The following SGCZ variants were observed in gnomAD, a reference collection of about 807,000 sequenced individuals.
The protein encoded by SGCZ is sarcoglycan zeta, also known as zeta-sarcoglycan.
In SGCZ, 40 loss-of-function variants were observed where a neutral mutation model predicts 41.3. The ratio of observed to expected loss-of-function variants is 0.97; its 90% CI spans 0.75 to 1.26. The LOEUF is 1.26. SGCZ is among the 50% of genes most tolerant of loss of function. The probability of loss-of-function intolerance (pLI) is 0.00; values close to 1 mark genes in which losing one functional copy is unlikely to be tolerated. For missense variants in SGCZ, 552 were observed against 369.8 expected (o/e 1.49, Z -4.04); for synonymous variants, 206 against 137.5 (o/e 1.50, Z -3.49).
chr8:14,431,935 A>T (rs543183784), intron 2 of SGCZ, among the ~76,000 whole-genome samples: 1 of 152,308 alleles, frequency 6.6e-6, no homozygotes, highest in Non-Finnish European at 1.5e-5. Flanking sequence ...AAAATGCTCA[A>T]CATCACTAAT....
At chr8:15,099,778 T>A (rs1199370091) in intron 1 of SGCZ, among the ~76,000 whole-genome samples, 3 of 152,198 alleles carry the variant, frequency 2.0e-5, no homozygotes, top group Non-Finnish European at 4.4e-5. Context: ...TTATTTCATA[T>A]ATGTAAGACT....
At chr8:15,235,293 A>T (rs1213937370) in intron 1 of SGCZ, among the ~76,000 whole-genome samples, 1 of 152,258 alleles carries the variant, frequency 6.6e-6, no homozygotes, top group East Asian at 1.9e-4. Flanking sequence ...CCACAAGTGT[A>T]GTCAAAACTG....
intron 1 of SGCZ, among the ~76,000 whole-genome samples, chr8:15,134,225 G>T (rs1165245108): frequency 1.3e-5 from 2 of 151,288 alleles, no homozygotes; most frequent in African/African-American, 4.8e-5. Flanking sequence ...AGCTGGAAAA[G>T]GTTAACTTTC....
chr8:14,996,552 C>T (rs1802226942), intron 1 of SGCZ, among the ~76,000 whole-genome samples: 1 of 152,150 alleles, frequency 6.6e-6, no homozygotes, highest in African/African-American at 2.4e-5. Context: ...CAGGTGCATG[C>T]CACCATGCCA....
At chr8:15,134,845 T>G (rs1462649402) in intron 1 of SGCZ, among the ~76,000 whole-genome samples, 2 of 152,240 alleles carry the variant, frequency 1.3e-5, no homozygotes, top group Admixed American at 6.5e-5. Context: ...TGCTTTTTTT[T>G]GATCATTACG....
intron 3 of SGCZ, among the ~76,000 whole-genome samples, chr8:14,317,392 C>T (rs1410205594): frequency 6.6e-6 from 1 of 151,856 alleles, no homozygotes; most frequent in Non-Finnish European, 1.5e-5. Context: ...TATTGGACTC[C>T]AGAGCTGTAG....
chr8:15,104,700 TA>T (rs5889569), intron 1 of SGCZ, among the ~76,000 whole-genome samples: 120,028 of 151,462 alleles, frequency 0.79, 47,723 homozygotes, highest in Admixed American at 0.81. Flanking sequence ...AGCATCTTCC[TA>T]TTTGAGCACA....
intron 1 of SGCZ, among the ~76,000 whole-genome samples, chr8:14,890,619 T>C (rs952154805): frequency 6.6e-6 from 1 of 152,198 alleles, no homozygotes; most frequent in African/African-American, 2.4e-5. Flanking sequence ...AGTGCTGAAG[T>C]AGACACTGCA....
intron 2 of SGCZ, among the ~76,000 whole-genome samples, chr8:14,338,219 C>G (rs1802567119): frequency 6.6e-6 from 1 of 152,168 alleles, no homozygotes; most frequent in Non-Finnish European, 1.5e-5. Context: ...AAGGCTCAGA[C>G]TCCTAAGAAA....
At chr8:15,039,223 G>A in intron 1 of SGCZ, among the ~76,000 whole-genome samples, 1 of 152,094 alleles carries the variant, frequency 6.6e-6, no homozygotes. Context: ...TATGGAATCA[G>A]CCCAAAGTGT....
intron 1 of SGCZ, among the ~76,000 whole-genome samples, chr8:14,953,286 GAC>G (rs1260928519): frequency 6.6e-6 from 1 of 152,126 alleles, no homozygotes; most frequent in African/African-American, 2.4e-5. Context: ...AGATGAGAGA[GAC>G]AGTCCCAAGG....
chr8:14,094,077 G>C (rs917517287), intron 7 of SGCZ, among the ~76,000 whole-genome samples: 2 of 151,978 alleles, frequency 1.3e-5, no homozygotes, highest in African/African-American at 4.8e-5. Flanking sequence ...ACAAAGCCCA[G>C]TTCATCTGTT....
chr8:14,624,043 T>G lies in SGCZ; in HGVS notation c.40-69117A>C, dbSNP rs538666564. 3.9e-5 allele frequency among the ~76,000 whole-genome samples: 6 copies of G among 152,328 alleles called. No homozygotes were observed. In the East Asian group the frequency reaches 1.2e-3, roughly 29 times the overall value. Reference sequence around the variant, plus strand: ...GTTTCTAGCAGATAAAACACACTTTTATTTGCATTTTATTCAACATCTATT... The same window carrying G: ...GTTTCTAGCAGATAAAACACACTTTGATTTGCATTTTATTCAACATCTATT... On this transcript the variant is annotated intron_variant, in intron 1 of 7. Coordinates refer to ENST00000382080, the MANE Select transcript of SGCZ (RefSeq NM_139167.4).
chr8:14,855,156 G>A (rs371761911), intron 1 of SGCZ, among the ~76,000 whole-genome samples: 14 of 151,920 alleles, frequency 9.2e-5, no homozygotes, highest in Non-Finnish European at 1.8e-4. Flanking sequence ...GGGCTCAAGC[G>A]ATTCTCATGC....
chr8:14,198,141 G>A (rs1805327837), intron 4 of SGCZ, among the ~76,000 whole-genome samples: 1 of 152,192 alleles, frequency 6.6e-6, no homozygotes, highest in African/African-American at 2.4e-5. Context: ...ATGCTGTTCT[G>A]AGTAGCATGA....
At chr8:14,227,155 G>C (rs1361416468) in intron 4 of SGCZ, among the ~76,000 whole-genome samples, 1 of 152,096 alleles carries the variant, frequency 6.6e-6, no homozygotes, top group Non-Finnish European at 1.5e-5. Flanking sequence ...CATTTTCTTA[G>C]TCTGCAATGC....
chr8:14,557,521 T>C (rs1159035554), intron 1 of SGCZ, among the ~76,000 whole-genome samples: 1 of 152,124 alleles, frequency 6.6e-6, no homozygotes, highest in Admixed American at 6.6e-5. Flanking sequence ...TGGAAGGATT[T>C]TTCCAATGTT....
At chr8:15,004,092 C>T (rs752442950) in intron 1 of SGCZ, among the ~76,000 whole-genome samples, 6 of 151,980 alleles carry the variant, frequency 3.9e-5, no homozygotes, top group Non-Finnish European at 8.8e-5. Flanking sequence ...AGGAGAAATA[C>T]CTGTGCAGAA....
At chr8:14,306,438 G>A (rs975032444) in intron 3 of SGCZ, among the ~76,000 whole-genome samples, 1 of 152,110 alleles carries the variant, frequency 6.6e-6, no homozygotes, top group East Asian at 1.9e-4. Flanking sequence ...GGGAAATATT[G>A]TAATTTCTCT....
Sources: gnomAD v4.1 joint callset for allele counts (sites outside exome capture counted in the v4.1 genomes callset) on GRCh38, gnomAD v4.1.1 for gene constraint, MANE v1.5 for transcripts, NCBI Gene and HGNC (gene_info 2026-07-23, HGNC 2026-07-21) for gene names.